The following ANGPT1 variants were observed in gnomAD, a reference collection of about 807,000 sequenced individuals.
ANGPT1 encodes the protein angiopoietin 1.
In ANGPT1, 17 loss-of-function variants were observed where a neutral mutation model predicts 62.2. That is an observed-to-expected ratio of 0.27 (90% confidence interval 0.19 to 0.41). ANGPT1 has a LOEUF of 0.41. Among genes scored for constraint, ANGPT1 ranks in the 10% least tolerant of loss-of-function variants. The pLI, the probability that ANGPT1 is intolerant of heterozygous loss-of-function variation, is 1.00. For missense variants in ANGPT1, 478 were observed against 594.9 expected, an observed-to-expected ratio of 0.80 and a Z score of 2.04; for synonymous variants, 199 against 198.9, an observed-to-expected ratio of 1.00 and a Z score of 0.00.
intron 1 of ANGPT1, among the ~76,000 whole-genome samples, chr8:107,442,910 T>G (rs1350443755): frequency 1.3e-5 from 2 of 152,178 alleles, no homozygotes; most frequent in African/African-American, 4.8e-5. Context: ...CAGCTGCACT[T>G]ATATTTTTGG....
At chr8:107,309,291 A>G (rs1161004362) in intron 4 of ANGPT1, among the ~76,000 whole-genome samples, 1 of 152,222 alleles carries the variant, frequency 6.6e-6, no homozygotes, top group Non-Finnish European at 1.5e-5. Context: ...CATCATTATT[A>G]GGAAGATCAT....
At chr8:107,332,978 T>C (rs1457931504) in intron 3 of ANGPT1, among the ~76,000 whole-genome samples, 5 of 152,234 alleles carry the variant, frequency 3.3e-5, no homozygotes, top group Non-Finnish European at 7.3e-5. Flanking sequence ...AGCTTCATGC[T>C]TGACTTTGAA....
intron 1 of ANGPT1, among the ~76,000 whole-genome samples, chr8:107,475,161 A>G (rs1756605924): frequency 2.0e-5 from 3 of 152,216 alleles, no homozygotes. Context: ...AGCTGGAGGC[A>G]TCACGCTACC....
chr8:107,418,171 G>T (rs2130371930), intron 1 of ANGPT1, among the ~76,000 whole-genome samples: 1 of 152,234 alleles, frequency 6.6e-6, no homozygotes, highest in East Asian at 1.9e-4. Flanking sequence ...TTATGCCAGA[G>T]AAGACAACAT....
chr8:107,290,887 C>G (rs962699250), intron 6 of ANGPT1, among the ~76,000 whole-genome samples: 1 of 152,096 alleles, frequency 6.6e-6, no homozygotes, highest in Non-Finnish European at 1.5e-5. Flanking sequence ...ACTTACAAGA[C>G]ATGAATTGAT....
chr8:107,347,085 T>C lies in ANGPT1; in HGVS notation c.310A>G (p.Ile104Val), dbSNP rs1469711828. ...ATCTCCGACTTCATGTTTTCCACAA[T>C]GTAATTCTCAAGCTGCAAGAGATAA... ...TQWLQKLENY[I>V]VENMKSEMAQ... Residue 104 changes from isoleucine (I) to valine (V), a missense_variant, in exon 2 of 9, where the codon ATT becomes GTT. Physicochemically the swap from Ile to Val is conservative, Grantham distance 29. Around this residue, in one of 4 missense-constraint regions of ANGPT1, gnomAD observed 343 missense variants for 355.4 expected, o/e 0.97. Coordinates refer to ENST00000517746, the MANE Select transcript of ANGPT1 (RefSeq NM_001146.5). 7 of 1,612,900 alleles carry C rather than the reference T, an allele frequency of 4.3e-6. No homozygotes were observed. In the African/African-American group the frequency reaches 8.0e-5, roughly 18 times the overall value.
intron 1 of ANGPT1, among the ~76,000 whole-genome samples, chr8:107,391,967 A>G (rs1816844237): frequency 6.6e-6 from 1 of 152,160 alleles, no homozygotes; most frequent in African/African-American, 2.4e-5. Context: ...CCACCAGGGT[A>G]TATATGGTTC....
intron 1 of ANGPT1, among the ~76,000 whole-genome samples, chr8:107,353,875 C>A (rs947966817): frequency 1.3e-5 from 2 of 151,980 alleles, no homozygotes; most frequent in Non-Finnish European, 2.9e-5. Context: ...TGTAAATATT[C>A]TTTCTGCTTG....
At chr8:107,450,932 T>C (rs768848876) in intron 1 of ANGPT1, among the ~76,000 whole-genome samples, 1 of 151,840 alleles carries the variant, frequency 6.6e-6, no homozygotes, top group Non-Finnish European at 1.5e-5. Flanking sequence ...TAGTATTATA[T>C]TGCAGATGAG....
intron 1 of ANGPT1, among the ~76,000 whole-genome samples, chr8:107,370,342 A>G (rs866810756): frequency 3.1e-4 from 3 of 9,530 alleles, no homozygotes; most frequent in African/African-American, 5.6e-4. Context: ...AAGAAAGAAA[A>G]AGAAAGAAAG....
chr8:107,461,781 G>T lies in ANGPT1; in HGVS notation c.297+35481C>A, dbSNP rs1418552607. On this transcript the variant is annotated intron_variant, in intron 1 of 8. Transcript: ENST00000517746. Reference sequence around the variant, plus strand: ...TATTTTAATAAATGAATGAATGAATGAATAACTATGTAAATAAATGCATAT... The same window carrying T: ...TATTTTAATAAATGAATGAATGAATTAATAACTATGTAAATAAATGCATAT... Among the ~76,000 whole-genome samples the T allele has an allele frequency of 2.0e-5, 3 of 152,152 alleles. No individual in the cohort carries two copies. In the East Asian group the frequency reaches 5.8e-4, roughly 29 times the overall value.
At chr8:107,328,655 G>A (rs7004005) in intron 3 of ANGPT1, among the ~76,000 whole-genome samples, 93,732 of 151,682 alleles carry the variant, frequency 0.62, 29,644 homozygotes, top group African/African-American at 0.76. Flanking sequence ...TTAAACATAC[G>A]TAAATAGGCT....
At chr8:107,256,741 A>G (rs1439642010) in intron 8 of ANGPT1, among the ~76,000 whole-genome samples, 1 of 152,230 alleles carries the variant, frequency 6.6e-6, no homozygotes, top group Non-Finnish European at 1.5e-5. Flanking sequence ...TTCAAGCCTG[A>G]AAGAACTCAA....
intron 1 of ANGPT1, among the ~76,000 whole-genome samples, chr8:107,496,407 T>C (rs886304877): frequency 1.3e-5 from 2 of 152,258 alleles, no homozygotes; most frequent in Admixed American, 6.5e-5. Flanking sequence ...ATTTGATTTC[T>C]ATAAATTGAG....
intron 4 of ANGPT1, among the ~76,000 whole-genome samples, chr8:107,308,915 T>A (rs1814785524): frequency 6.6e-6 from 1 of 152,134 alleles, no homozygotes. Context: ...CCAACCAATT[T>A]AAATCTAGAT....
intron 1 of ANGPT1, among the ~76,000 whole-genome samples, chr8:107,445,282 A>C (rs1233306723): frequency 6.6e-6 from 1 of 152,108 alleles, no homozygotes; most frequent in Admixed American, 6.6e-5. Context: ...GGATATTTTA[A>C]ATTTAAATTT....
At chr8:107,284,595 T>A in intron 7 of ANGPT1, 87 bp downstream of exon 7, 1 of 1,207,528 alleles carries the variant, frequency 8.3e-7, no homozygotes. Flanking sequence ...AAGGATGATT[T>A]TCATTTCTTT....
At chr8:107,408,020 A>G (rs1383097942) in intron 1 of ANGPT1, among the ~76,000 whole-genome samples, 1 of 152,212 alleles carries the variant, frequency 6.6e-6, no homozygotes, top group Admixed American at 6.5e-5. Context: ...GCACTGGCAT[A>G]TAGTCCAGAA....
intron 1 of ANGPT1, among the ~76,000 whole-genome samples, chr8:107,445,003 C>A (rs970857288): frequency 9.9e-5 from 15 of 152,142 alleles, no homozygotes; most frequent in African/African-American, 3.6e-4. Flanking sequence ...TGTCTAGACA[C>A]CTAGGAATGG....
Sources: allele counts gnomAD v4.1 joint callset (sites outside exome capture counted in the v4.1 genomes callset), GRCh38; gene constraint gnomAD v4.1.1; regional missense constraint gnomAD v4.1.1; transcripts MANE v1.5; gene names NCBI Gene and HGNC (gene_info 2026-07-23, HGNC 2026-07-21).